Variants in ITGB4 observed in about 807,000 individuals in gnomAD.
ITGB4 encodes the protein integrin beta-4.
A neutral mutation model predicts 207.6 loss-of-function variants in ITGB4; 159 were observed. The ratio of observed to expected loss-of-function variants is 0.77; its 90% confidence interval spans 0.67 to 0.87. The LOEUF (loss-of-function observed/expected upper bound fraction) is 0.87. ITGB4 is among the 40% of genes least tolerant of loss of function. ITGB4 has a pLI of 0.00. For synonymous variants in ITGB4, 1,020 were observed against 1,062.7 expected, an observed-to-expected ratio of 0.96 and a Z score of 0.78; for missense variants, 2,278 against 2,546.8, an observed-to-expected ratio of 0.89 and a Z score of 2.27.
At chr17:75,745,444 C>T (rs2061212458) in intron 26 of ITGB4, among the ~76,000 whole-genome samples, 1 of 151,884 alleles carries the variant, frequency 6.6e-6, no homozygotes, top group Non-Finnish European at 1.5e-5. Flanking sequence ...AACAAAGAAA[C>T]AAAACCTGGC....
intron 14 of ITGB4, 34 bp from the exon 15 acceptor site, chr17:75,736,254 A>T (rs750576399): frequency 6.2e-7 from 1 of 1,606,944 alleles, no homozygotes; most frequent in Non-Finnish European, 8.5e-7. Flanking sequence ...GGGATGGGGC[A>T]CAGCTGGCTC....
Position 75,742,526 on chromosome 17 carries a change from C to T in ITGB4, c.2782+37C>T. The T allele has an allele frequency of 6.2e-7, 1 of 1,613,398 alleles. No individual in the cohort carries two copies. ...GGTCCGCTGTGCCACTGCCTCGCAC[C>T]TCCCGCCTGTGTGGCCCTGTGACCC... On this transcript the variant is annotated intron_variant, in intron 24 of 39. Coordinates refer to ENST00000200181, the MANE Select transcript of ITGB4 (RefSeq NM_000213.5). The surrounding 1 kb of genome is among the most constrained non-coding windows in gnomAD (Gnocchi z 5.9).
intron 32 of ITGB4, among the ~76,000 whole-genome samples, chr17:75,753,301 G>C (rs2061410213): frequency 6.6e-6 from 1 of 152,176 alleles, no homozygotes; most frequent in African/African-American, 2.4e-5. Flanking sequence ...GAGCGCAGCT[G>C]GTGTGACTCT....
At chr17:75,737,096 G>A (rs960320501) in intron 16 of ITGB4, among the ~76,000 whole-genome samples, 15 of 152,154 alleles carry the variant, frequency 9.9e-5, no homozygotes, top group African/African-American at 3.6e-4. Flanking sequence ...TCAGGGAAGT[G>A]GGGGAGGTAG....
chr17:75,742,883 C>T lies in ITGB4; in HGVS notation c.2962+122C>T. The T allele has an allele frequency of 1.1e-6, 1 of 901,978 alleles. No homozygotes were observed. The allele number at this position is 901,978 out of a possible 1,614,324, so 55.9% of individuals were successfully genotyped here. ...GGCTAGTCACTTAACCTCTGCAAGCCTTGGTTTCTCCATCTGTAAAATGGG... is the reference window on the plus strand; with the variant it reads ...GGCTAGTCACTTAACCTCTGCAAGCTTTGGTTTCTCCATCTGTAAAATGGG... On this transcript the variant is annotated intron_variant, in intron 25 of 39. Transcript: ENST00000200181. This position sits in a 1 kb window ranked among gnomAD's most constrained non-coding sequence, Gnocchi z 5.9.
At chr17:75,755,618 A>G in intron 34 of ITGB4, 83 bp from the exon 35 acceptor site, 2 of 1,553,316 alleles carry the variant, frequency 1.3e-6, no homozygotes, top group Non-Finnish European at 1.8e-6. Flanking sequence ...CAGCTGAGGG[A>G]GGGAGGTCAG....
rs1568365785 is a variant in ITGB4 at position 75,742,034 on chromosome 17, C to T, written c.2634-307C>T. Among the ~76,000 whole-genome samples, 2 of 152,214 alleles carry T rather than the reference C, an allele frequency of 1.3e-5. No homozygotes were observed. The highest frequency in any genetic ancestry group is 6.5e-5 in the Admixed American group (1 of 15,282). On this transcript the variant is annotated intron_variant, in intron 23 of 39. Transcript: ENST00000200181. This position sits in a 1 kb window ranked among gnomAD's most constrained non-coding sequence, Gnocchi z 5.9. ...CGAGAACTAGAACCAGGGCTAGGGC[C>T]GCGGCAGCCTGGCCTGAGCACACAC... is the stretch of plus-strand genomic sequence containing the variant.
intron 13 of ITGB4, among the ~76,000 whole-genome samples, chr17:75,735,658 G>A (rs1250905880): frequency 6.6e-5 from 10 of 152,002 alleles, no homozygotes; most frequent in East Asian, 1.9e-4. Context: ...TGATCTGCCC[G>A]CCTCAGCCTC....
intron 6 of ITGB4, 93 bp downstream of exon 6, chr17:75,728,566 C>T (rs1354235300): frequency 8.9e-6 from 9 of 1,011,136 alleles, no homozygotes; most frequent in African/African-American, 6.4e-5. Flanking sequence ...TATCCTTCTA[C>T]GGCTGGGCAC....
In ITGB4 at chr17:75,731,511, A is replaced by G. The variant is rs115123522; in HGVS notation, c.1215+143A>G. Reference sequence around the variant, plus strand: ...ATCCCTGGGCCTAGCCGCTCGGATGAGCCTAGGTTGCTCCTCTGCTTGTTG... The same window carrying G: ...ATCCCTGGGCCTAGCCGCTCGGATGGGCCTAGGTTGCTCCTCTGCTTGTTG... On this transcript the variant is annotated intron_variant, in intron 10 of 39. Coordinates refer to ENST00000200181, the MANE Select transcript of ITGB4 (RefSeq NM_000213.5). This position sits in a 1 kb window ranked among gnomAD's most constrained non-coding sequence, Gnocchi z 6.8. 9.6e-4 allele frequency: 856 copies of G among 894,862 alleles called. 5 individuals are homozygous for G. The African/African-American group carries it at 0.013, about 13-fold the overall frequency. The allele number at this position is 894,862 out of a possible 1,614,324, so 55.4% of individuals were successfully genotyped here.
Position 75,727,397 on chromosome 17 carries a change from T to A in ITGB4, c.163-7T>A. The A allele has an allele frequency of 6.2e-7, 1 of 1,614,022 alleles. No individual in the cohort carries two copies. Among genetic ancestry groups the A allele is most frequent in the Non-Finnish European group, 8.5e-7 (1 of 1,179,978 alleles). On this transcript the variant is annotated splice_polypyrimidine_tract_variant and splice_region_variant and intron_variant, in intron 3 of 39. Transcript: ENST00000200181. This position sits in a 1 kb window ranked among gnomAD's most constrained non-coding sequence, Gnocchi z 6.0. ...TGCCCCCAGTGACCCCCTGTCCTTC[T>A]GGCCAGATGTTCAGGGACCGGCGCT...
In ITGB4 at chr17:75,749,045, G is replaced by A. The variant is rs1453432082; in HGVS notation, c.3316G>A (p.Asp1106Asn). ...CACCACCATCATCATCAGGGACCCA[G>A]GTAGGCAGAGCCTGGGGGTCGGCTT... ...HSTTIIIRDP[D>N]ELDRSFTSQM... is the part of the protein sequence containing the mutation. Residue 1106 changes from aspartate to asparagine, a missense_variant and splice_region_variant, in exon 27 of 40, where the codon GAT becomes AAT. Asp to Asn is a conservative substitution (Grantham distance 23). Transcript: ENST00000200181. The A allele has an allele frequency of 6.2e-7, 1 of 1,609,510 alleles. No homozygotes were observed. Among genetic ancestry groups the A allele is most frequent in the African/African-American group, 1.3e-5 (1 of 74,936 alleles).
rs979321182 is a variant in ITGB4 at position 75,757,590 on chromosome 17, G to C, written c.*35G>C. On this transcript the variant is annotated 3_prime_UTR_variant, in exon 40 of 40. Transcript: ENST00000200181. ...GCCCCACCCCCGCCACGTCCCACTAGGCGTCCTCCCGACTCCTCTCCCGGA... is the reference window on the plus strand; with the variant it reads ...GCCCCACCCCCGCCACGTCCCACTACGCGTCCTCCCGACTCCTCTCCCGGA... The C allele has an allele frequency of 6.2e-7, 1 of 1,612,760 alleles. No individual in the cohort carries two copies. Among genetic ancestry groups the C allele is most frequent in the African/African-American group, 1.3e-5 (1 of 74,822 alleles).
In ITGB4 at chr17:75,729,710, C is replaced by G. The variant is rs368970594; in HGVS notation, c.738+274C>G. On this transcript the variant is annotated intron_variant, in intron 7 of 39. Transcript: ENST00000200181. The surrounding 1 kb of genome is among the most constrained non-coding windows in gnomAD (Gnocchi z 4.4). Reference sequence around the variant, plus strand: ...CTACCAAGGCAGACCTGGGCTTTAGCGTTCTGGAATCTTTAGTACCCTGAA... The same window carrying G: ...CTACCAAGGCAGACCTGGGCTTTAGGGTTCTGGAATCTTTAGTACCCTGAA... Among the ~76,000 whole-genome samples, 65 of 152,336 alleles carry G rather than the reference C, an allele frequency of 4.3e-4. No homozygotes were observed. Among genetic ancestry groups the G allele is most frequent in the African/African-American group, 1.5e-3 (64 of 41,586 alleles).
intron 23 of ITGB4, 95 bp downstream of exon 23, chr17:75,741,100 C>CCTACT: frequency 7.1e-7 from 1 of 1,399,210 alleles, no homozygotes; most frequent in Non-Finnish European, 9.9e-7. Flanking sequence ...CCATCTCCAT[C>CCTACT]CCATAGGAAG....
chr17:75,727,522 C>G lies in ITGB4; in HGVS notation c.264+17C>G. ...ATCACAGAGGTGCCTGGTGTGGGGA[C>G]TGGGGTGGGGGCTCCCCATGCTCAG... On this transcript the variant is annotated intron_variant, in intron 4 of 39. Coordinates refer to ENST00000200181, the MANE Select transcript of ITGB4 (RefSeq NM_000213.5). The surrounding 1 kb of genome is among the most constrained non-coding windows in gnomAD (Gnocchi z 6.0). The G allele has an allele frequency of 6.2e-7, 1 of 1,611,750 alleles. No homozygotes were observed. The highest frequency in any genetic ancestry group is 8.5e-7 in the Non-Finnish European group (1 of 1,178,762).
At position 75,757,229 on chromosome 17, in the gene ITGB4, G is replaced by A. The variant is rs151327791; in HGVS notation, c.5248G>A (p.Gly1750Arg). The change falls in exon 39 of 40, where the codon GGG becomes AGG. Residue 1750 changes from glycine to arginine, a missense_variant. Transcript: ENST00000200181. ...GPFPQLGSRA[G>R]LFQHPLQSEY... ...CTTCCCGCAGCTGGGCAGCCGTGCC[G>A]GGCTCTTCCAGCACCCGCTGCAAAG... The A allele has an allele frequency of 7.3e-4, 1,175 of 1,611,842 alleles. 4 individuals carry two copies. Among genetic ancestry groups the A allele is most frequent in the Non-Finnish European group, 3.0e-4 (353 of 1,179,952 alleles).
Position 75,757,564 on chromosome 17 carries a change from T to C in ITGB4, c.*9T>C, listed in dbSNP as rs757245762. The C allele has an allele frequency of 1.2e-6, 2 of 1,613,066 alleles. No individual in the cohort carries two copies. The highest frequency in any genetic ancestry group is 1.7e-6 in the Non-Finnish European group (2 of 1,179,852). ...AGTTCTTCCAAACTTGACCGCACCC[T>C]GCCCCACCCCCGCCACGTCCCACTA... On this transcript the variant is annotated 3_prime_UTR_variant, in exon 40 of 40. Coordinates refer to ENST00000200181, the MANE Select transcript of ITGB4 (RefSeq NM_000213.5).
chr17:75,733,548 C>T lies in ITGB4; in HGVS notation c.1513C>T (p.Arg505Trp), dbSNP rs185794989. 25 of 1,613,750 alleles carry T rather than the reference C, an allele frequency of 1.5e-5. 1 individual carries two copies. Among genetic ancestry groups the T allele is most frequent in the South Asian group, 1.1e-5 (1 of 91,078 alleles). Reference protein sequence around the residue: ...GSLSDIQPCLREGEDKPCSGR... With the variant: ...GSLSDIQPCLWEGEDKPCSGR... ...TCTGAGTGACATTCAGCCCTGCCTG[C>T]GGGAGGGCGAGGACAAGCCGTGCTC... The change falls in exon 13 of 40, where the codon CGG becomes TGG. Residue 505 changes from arginine (R) to tryptophan (W), a missense_variant. Physicochemically the swap from Arg to Trp is moderately radical, Grantham distance 101. Transcript: ENST00000200181.
Sources: allele counts gnomAD v4.1 joint callset (sites outside exome capture counted in the v4.1 genomes callset), GRCh38; gene constraint gnomAD v4.1.1; non-coding constraint Gnocchi (gnomAD v3.1); transcripts MANE v1.5; gene names NCBI Gene and HGNC (gene_info 2026-07-23, HGNC 2026-07-21).